GRIA4: variants seen among roughly 807,000 people sequenced by gnomAD.
GRIA4 encodes the protein glutamate ionotropic receptor AMPA type subunit 4, also known as glutamate receptor 4.
In GRIA4, 34 loss-of-function variants were observed where a neutral mutation model predicts 104.0. The observed-to-expected ratio is 0.33, with a 90% confidence interval of 0.25 to 0.44. The LOEUF (loss-of-function observed/expected upper bound fraction) is 0.44, where lower values mean the gene tolerates loss of function less well. Ranked by LOEUF, GRIA4 falls within the 20% of genes least tolerant of loss-of-function variation. The probability of loss-of-function intolerance (pLI) is 1.00; values close to 1 mark genes in which losing one functional copy is unlikely to be tolerated. For missense variants in GRIA4, 750 were observed against 1,096.5 expected (o/e 0.68, Z 4.46); for synonymous variants, 386 against 381.9 (o/e 1.01, Z -0.13).
At chr11:105,621,504 T>C (rs1296216232) in intron 3 of GRIA4, among the ~76,000 whole-genome samples, 1 of 151,622 alleles carries the variant, frequency 6.6e-6, no homozygotes, top group African/African-American at 2.4e-5. Flanking sequence ...TTATTAATGG[T>C]TTATTTCTGT....
chr11:105,706,172 T>C (rs1953691884), intron 3 of GRIA4: 1 of 152,204 alleles, frequency 6.6e-6, no homozygotes. Flanking sequence ...CTTGCCAACA[T>C]GAAGGGGATG....
At chr11:105,794,078 G>C (rs938602108) in intron 4 of GRIA4, among the ~76,000 whole-genome samples, 1 of 152,028 alleles carries the variant, frequency 6.6e-6, no homozygotes, top group Non-Finnish European at 1.5e-5. Context: ...TGCATATCTA[G>C]GAGCCATAAA....
intron 4 of GRIA4, among the ~76,000 whole-genome samples, chr11:105,808,022 A>G (rs2135859633): frequency 6.6e-6 from 1 of 152,114 alleles, no homozygotes; most frequent in East Asian, 1.9e-4. Context: ...ATTTAATAGA[A>G]AATAGCTATT....
At chr11:105,678,240 C>A (rs1952603340) in intron 3 of GRIA4, among the ~76,000 whole-genome samples, 1 of 151,966 alleles carries the variant, frequency 6.6e-6, no homozygotes, top group Non-Finnish European at 1.5e-5. Context: ...TGAGTGTATG[C>A]AAAGTTGACG....
At chr11:105,888,679 C>T (rs1946363042) in intron 6 of GRIA4, among the ~76,000 whole-genome samples, 2 of 151,964 alleles carry the variant, frequency 1.3e-5, no homozygotes, top group South Asian at 2.1e-4. Flanking sequence ...TTCAGATCTA[C>T]CCATTCTTTC....
At chr11:105,876,673 CTTCT>C in intron 5 of GRIA4, among the ~76,000 whole-genome samples, 1 of 152,060 alleles carries the variant, frequency 6.6e-6, no homozygotes, top group East Asian at 1.9e-4. Context: ...ATGTGATGCC[CTTCT>C]TTGTCTTTTT....
chr11:105,753,253 AC>A, intron 4 of GRIA4, 33 bp downstream of exon 4: 1 of 1,601,038 alleles, frequency 6.2e-7, no homozygotes, highest in Non-Finnish European at 8.6e-7. Context: ...TTAGAGCAAA[AC>A]TCTAATTTTC....
intron 3 of GRIA4, among the ~76,000 whole-genome samples, chr11:105,637,988 A>G (rs943794378): frequency 2.0e-5 from 3 of 152,106 alleles, no homozygotes; most frequent in African/African-American, 7.2e-5. Context: ...TGTATTTTTA[A>G]TCGTGTACAA....
At chr11:105,648,860 T>C (rs926775889) in intron 3 of GRIA4, among the ~76,000 whole-genome samples, 1 of 152,188 alleles carries the variant, frequency 6.6e-6, no homozygotes, top group Non-Finnish European at 1.5e-5. Flanking sequence ...TAAATAAAAA[T>C]TACTTTTGCA....
chr11:105,717,869 C>G lies in GRIA4; in HGVS notation c.248-35112C>G, dbSNP rs557060912. ...CAATGCTATCCCTCCCCCCTCCCCC[C>G]ACCCCACAACAGTCCCCATGGAATA... On this transcript the variant is annotated intron_variant, in intron 3 of 16. Coordinates refer to ENST00000282499, the MANE Select transcript of GRIA4 (RefSeq NM_000829.4). 1.5e-4 allele frequency among the ~76,000 whole-genome samples: 17 copies of G among 116,006 alleles called. 1 individual carries two copies. The South Asian group carries it at 5.6e-3, about 38-fold the overall frequency. 76.1% of individuals were successfully genotyped at this position (116,006 alleles called of 152,430 possible). A position where few individuals can be genotyped will look rare whatever the true frequency, so the allele number is the denominator to read the frequency against.
intron 10 of GRIA4, chr11:105,912,259 G>A: frequency 2.0e-6 from 2 of 979,280 alleles, no homozygotes; most frequent in Non-Finnish European, 1.2e-6. Context: ...CTCGGAATTT[G>A]TGTGCTTGTT....
intron 4 of GRIA4, among the ~76,000 whole-genome samples, chr11:105,808,672 AG>A (rs1405685568): frequency 6.6e-6 from 1 of 152,122 alleles, no homozygotes; most frequent in Admixed American, 6.6e-5. Context: ...AATATATTTA[AG>A]TCCATCTTCT....
At chr11:105,732,912 T>C (rs1458174394) in intron 3 of GRIA4, among the ~76,000 whole-genome samples, 1 of 152,198 alleles carries the variant, frequency 6.6e-6, no homozygotes, top group East Asian at 1.9e-4. Flanking sequence ...TACGCTATTA[T>C]TAATCGCATA....
At chr11:105,648,688 T>C (rs900373982) in intron 3 of GRIA4, among the ~76,000 whole-genome samples, 3 of 151,918 alleles carry the variant, frequency 2.0e-5, no homozygotes, top group African/African-American at 2.4e-5. Flanking sequence ...AGGTAGAAAA[T>C]TGTAATAATA....
chr11:105,682,671 T>C (rs1024051742), intron 3 of GRIA4, among the ~76,000 whole-genome samples: 6 of 152,174 alleles, frequency 3.9e-5, no homozygotes, highest in African/African-American at 4.8e-5. Flanking sequence ...CTCAGATTTT[T>C]CTTTTTTCGC....
intron 4 of GRIA4, among the ~76,000 whole-genome samples, chr11:105,837,446 A>G (rs1037814808): frequency 2.6e-5 from 4 of 152,186 alleles, no homozygotes; most frequent in African/African-American, 9.6e-5. Flanking sequence ...TGGTCCCTTC[A>G]TTACTGAAGA....
intron 5 of GRIA4, among the ~76,000 whole-genome samples, chr11:105,866,762 C>T (rs1945436206): frequency 6.6e-6 from 1 of 151,638 alleles, no homozygotes; most frequent in Non-Finnish European, 1.5e-5. Flanking sequence ...AAGGATCTTA[C>T]ACTGCCTTGG....
At chr11:105,752,751 AT>A (rs1940077340) in intron 3 of GRIA4, among the ~76,000 whole-genome samples, 1 of 152,300 alleles carries the variant, frequency 6.6e-6, no homozygotes, top group South Asian at 2.1e-4. Flanking sequence ...TTAATGCAGA[AT>A]TTTAATTCAG....
Position 105,855,106 on chromosome 11 carries a change from T to C in GRIA4, c.488-6918T>C, listed in dbSNP as rs140872568. On this transcript the variant is annotated intron_variant, in intron 4 of 16. Transcript: ENST00000282499. ...TCTCCAAGCTCCTGCCTCTGTGCCTTTGCTTTATGATGCAGCAGCTCCTTC... is the reference window on the plus strand; with the variant it reads ...TCTCCAAGCTCCTGCCTCTGTGCCTCTGCTTTATGATGCAGCAGCTCCTTC... Among the ~76,000 whole-genome samples the C allele has an allele frequency of 2.8e-4, 42 of 152,282 alleles. No individual in the cohort carries two copies. In the East Asian group the frequency reaches 6.8e-3, roughly 24 times the overall value.
Sources: gnomAD v4.1 joint callset for allele counts (sites outside exome capture counted in the v4.1 genomes callset) on GRCh38, gnomAD v4.1.1 for gene constraint, MANE v1.5 for transcripts, NCBI Gene and HGNC (gene_info 2026-07-23, HGNC 2026-07-21) for gene names.